The following IMMP2L variants were observed in gnomAD, a reference collection of about 807,000 sequenced individuals.
IMMP2L encodes inner mitochondrial membrane peptidase subunit 2.
IMMP2L carries 18 observed loss-of-function variants against 19.3 expected under a neutral mutation model. That is an observed-to-expected ratio of 0.93 (90% CI 0.64 to 1.38). The LOEUF (loss-of-function observed/expected upper bound fraction) is 1.38, where lower values mean the gene tolerates loss of function less well. IMMP2L is among the 40% of genes most tolerant of loss of function. IMMP2L has a pLI of 0.00. For synonymous variants in IMMP2L, 76 were observed against 73.0 expected (o/e 1.04, Z -0.21); for missense variants, 233 against 218.2 (o/e 1.07, Z -0.43).
In IMMP2L at chr7:111,329,467, C is replaced by T. The variant is rs73424006; in HGVS notation, c.239+157771G>A. Among the ~76,000 whole-genome samples the T allele has an allele frequency of 2.6e-3, 392 of 151,910 alleles. 3 individuals are homozygous for T. The highest frequency in any genetic ancestry group is 0.01 in the Middle Eastern group (3 of 294). On this transcript the variant is annotated intron_variant, in intron 3 of 5. Coordinates refer to ENST00000405709, the MANE Select transcript of IMMP2L (RefSeq NM_032549.4). ...TCAGGAGAAACTACACAAACGAGAG[C>T]AGAGAGGAGTTAAGGGCAGGTTGAA... is the stretch of plus-strand genomic sequence containing the variant.
At chr7:111,168,263 T>C (rs1806049376) in intron 3 of IMMP2L, among the ~76,000 whole-genome samples, 2 of 151,920 alleles carry the variant, frequency 1.3e-5, no homozygotes, top group African/African-American at 4.8e-5. Flanking sequence ...TGTTTTTTAC[T>C]TGTGGGCTTT....
In IMMP2L at chr7:111,007,997, C is replaced by A. The variant is rs574211192; in HGVS notation, c.240-44432G>T. Among the ~76,000 whole-genome samples, 3 of 152,218 alleles carry A rather than the reference C, an allele frequency of 2.0e-5. No individual in the cohort carries two copies. The South Asian group carries it at 6.2e-4, about 32-fold the overall frequency. ...CTTACCCACATCTAATTTATCAAGTCTTGTTAGTTCTTCCTTCAAAATATA... is the reference window on the plus strand; with the variant it reads ...CTTACCCACATCTAATTTATCAAGTATTGTTAGTTCTTCCTTCAAAATATA... On this transcript the variant is annotated intron_variant, in intron 3 of 5. Transcript: ENST00000405709.
In IMMP2L at chr7:110,826,697, G is replaced by A. The variant is rs559684704; in HGVS notation, c.408+59896C>T. On this transcript the variant is annotated intron_variant, in intron 5 of 5. Transcript: ENST00000405709. ...CACTGGGGCCTGTCATGGGGTTGGG[G>A]GAGTGGGGAGGGATAGCATTAGGAG... Among the ~76,000 whole-genome samples, 3 of 152,124 alleles carry A rather than the reference G, an allele frequency of 2.0e-5. No homozygotes were observed. In the South Asian group the frequency reaches 6.2e-4, roughly 32 times the overall value.
chr7:110,797,084 A>C (rs1371489598), intron 5 of IMMP2L, among the ~76,000 whole-genome samples: 1 of 152,030 alleles, frequency 6.6e-6, no homozygotes, highest in African/African-American at 2.4e-5. Flanking sequence ...ACTAAAATGC[A>C]GGATCTATGG....
At position 110,760,858 on chromosome 7, in the gene IMMP2L, A is replaced by G. The variant is rs1341660597; in HGVS notation, c.409-97137T>C. ...AGTAGGCACCTCACAAAGGTCATGCAGACCTTAGAGGAAATTATGGCCCAA... is the reference window on the plus strand; with the variant it reads ...AGTAGGCACCTCACAAAGGTCATGCGGACCTTAGAGGAAATTATGGCCCAA... On this transcript the variant is annotated intron_variant, in intron 5 of 5. Transcript: ENST00000405709. The surrounding 1 kb of genome is among the most constrained non-coding windows in gnomAD (Gnocchi z 4.2). Among the ~76,000 whole-genome samples, 1 of 152,168 alleles carries G rather than the reference A, an allele frequency of 6.6e-6. No homozygotes were observed. Among genetic ancestry groups the G allele is most frequent in the Non-Finnish European group, 1.5e-5 (1 of 68,020 alleles).
chr7:110,873,429 CAAAAAAAAAAAAA>C (rs60827428), intron 5 of IMMP2L, among the ~76,000 whole-genome samples: 4 of 28,958 alleles, frequency 1.4e-4, no homozygotes, highest in African/African-American at 1.9e-4. Flanking sequence ...GACTCTATCT[CAAAAAAAAAAAAA>C]AAAAAAAAAA....
chr7:110,731,854 G>A (rs558784867), intron 5 of IMMP2L, among the ~76,000 whole-genome samples: 22 of 152,218 alleles, frequency 1.4e-4, no homozygotes, highest in Non-Finnish European at 2.8e-4. Context: ...CATACTTACT[G>A]AGCACCTACT....
At chr7:110,675,682 A>T (rs973701738) in intron 5 of IMMP2L, among the ~76,000 whole-genome samples, 2 of 152,114 alleles carry the variant, frequency 1.3e-5, no homozygotes, top group African/African-American at 2.4e-5. Flanking sequence ...ACAGCTTTAA[A>T]ATAAGTTTTA....
At chr7:110,916,797 G>A (rs529495564) in intron 4 of IMMP2L, among the ~76,000 whole-genome samples, 3 of 152,250 alleles carry the variant, frequency 2.0e-5, no homozygotes, top group African/African-American at 7.2e-5. Context: ...AAAACAAAAT[G>A]TCAATCAATG....
chr7:110,964,685 T>C (rs1819348589), intron 3 of IMMP2L, among the ~76,000 whole-genome samples: 1 of 152,072 alleles, frequency 6.6e-6, no homozygotes, highest in South Asian at 2.1e-4. Context: ...CAATAGTTTA[T>C]GGTAAAACTG....
At chr7:111,444,388 T>G (rs1423839547) in intron 3 of IMMP2L, among the ~76,000 whole-genome samples, 3 of 152,086 alleles carry the variant, frequency 2.0e-5, no homozygotes, top group Admixed American at 2.0e-4. Flanking sequence ...CTTCCACCAC[T>G]TACAAGCTTG....
intron 3 of IMMP2L, among the ~76,000 whole-genome samples, chr7:111,466,399 G>A (rs1840667796): frequency 2.0e-5 from 3 of 152,116 alleles, no homozygotes; most frequent in South Asian, 4.2e-4. Context: ...GTTGGGGAGA[G>A]AACATGGGAA....
At chr7:111,044,568 A>C (rs2129571534) in intron 3 of IMMP2L, among the ~76,000 whole-genome samples, 1 of 152,340 alleles carries the variant, frequency 6.6e-6, no homozygotes, top group South Asian at 2.1e-4. Context: ...CCTCAAAAAA[A>C]TAAAAATAAA....
chr7:111,219,743 AT>A (rs1399397639), intron 3 of IMMP2L, among the ~76,000 whole-genome samples: 1 of 150,962 alleles, frequency 6.6e-6, no homozygotes, highest in Non-Finnish European at 1.5e-5. Flanking sequence ...AGTACCACTA[AT>A]TTTTTTGGTC....
At chr7:111,385,437 G>A (rs966696953) in intron 3 of IMMP2L, among the ~76,000 whole-genome samples, 2 of 152,080 alleles carry the variant, frequency 1.3e-5, no homozygotes, top group African/African-American at 2.4e-5. Flanking sequence ...AGAAAATCCT[G>A]TACAAGACCC....
chr7:111,021,442 A>C (rs1213295877), intron 3 of IMMP2L, among the ~76,000 whole-genome samples: 1 of 152,212 alleles, frequency 6.6e-6, no homozygotes, highest in Non-Finnish European at 1.5e-5. Flanking sequence ...AGACTGGGTA[A>C]TTTATAAAGG....
chr7:111,078,017 CTT>C (rs932492239), intron 3 of IMMP2L, among the ~76,000 whole-genome samples: 4 of 152,164 alleles, frequency 2.6e-5, no homozygotes, highest in African/African-American at 4.8e-5. Flanking sequence ...AATAATCCCT[CTT>C]TGTTATTCAC....
Position 111,445,818 on chromosome 7 carries a change from G to A in IMMP2L, c.239+41420C>T, listed in dbSNP as rs529910929. ...TACCGGGTTCATCTCACTAGGGAGTGCCAGACAGTGGGCGCAGGCCAGTGG... is the reference window on the plus strand; with the variant it reads ...TACCGGGTTCATCTCACTAGGGAGTACCAGACAGTGGGCGCAGGCCAGTGG... On this transcript the variant is annotated intron_variant, in intron 3 of 5. Transcript: ENST00000405709. Among the ~76,000 whole-genome samples the A allele has an allele frequency of 2.1e-3, 318 of 152,288 alleles. 3 individuals carry two copies. Among genetic ancestry groups the A allele is most frequent in the African/African-American group, 7.3e-3 (302 of 41,576 alleles).
chr7:111,300,307 TAAATC>T (rs1191990716), intron 3 of IMMP2L, among the ~76,000 whole-genome samples: 1 of 152,174 alleles, frequency 6.6e-6, no homozygotes, highest in Non-Finnish European at 1.5e-5. Flanking sequence ...CCCCACCAGT[TAAATC>T]AAAATCACTA....
Sources: gnomAD v4.1 joint callset for allele counts (sites outside exome capture counted in the v4.1 genomes callset) on GRCh38, gnomAD v4.1.1 for gene constraint, Gnocchi (gnomAD v3.1) non-coding constraint, MANE v1.5 for transcripts, NCBI Gene and HGNC (gene_info 2026-07-23, HGNC 2026-07-21) for gene names.